The following SYT10 variants were observed in gnomAD, a reference collection of about 807,000 sequenced individuals.
The protein encoded by SYT10 is synaptotagmin 10.
Under a neutral mutation model 51.1 loss-of-function variants are expected in SYT10, and 31 were observed. That is an observed-to-expected ratio of 0.61 (90% confidence interval 0.46 to 0.82). SYT10 has a LOEUF of 0.82. Ranked by LOEUF, SYT10 falls within the 40% of genes least tolerant of loss-of-function variation. The pLI is 0.00. For synonymous variants in SYT10, 233 were observed against 225.9 expected, an observed-to-expected ratio of 1.03 and a Z score of -0.28; for missense variants, 603 against 634.0, an observed-to-expected ratio of 0.95 and a Z score of 0.53.
Position 33,408,936 on chromosome 12 carries a change from A to T in SYT10, c.510-1580T>A, listed in dbSNP as rs73312156. Among the ~76,000 whole-genome samples the T allele has an allele frequency of 3.0e-3, 454 of 152,168 alleles. 2 individuals are homozygous for T. Among genetic ancestry groups the T allele is most frequent in the African/African-American group, 0.01 (427 of 41,508 alleles). ...AATCCTGTTGCTTTTCCTTTGAAAC[A>T]TCTCATATAGTTGTTCATTCCACTC... On this transcript the variant is annotated intron_variant, in intron 2 of 6. Transcript: ENST00000228567.
In SYT10 at chr12:33,439,359, CCCT is replaced by C; in HGVS notation, c.151+10_151+12del. 6.2e-7 allele frequency: 1 copy of C among 1,608,656 alleles called. No homozygotes were observed. Among genetic ancestry groups the C allele is most frequent in the Non-Finnish European group, 8.5e-7 (1 of 1,177,740 alleles). ...GCGGAGCGCGAGGACGCGAGCGGAG[CCCT>C]CCCGGTTACCTGTGCTGCTTCCGCC... On this transcript the variant is annotated intron_variant, in intron 1 of 6. Transcript: ENST00000228567.
chr12:33,380,498 A>C (rs879119686), intron 5 of SYT10, among the ~76,000 whole-genome samples: 1 of 152,196 alleles, frequency 6.6e-6, no homozygotes, highest in Non-Finnish European at 1.5e-5. Context: ...TTATTTTTGC[A>C]TAACAGAAAA....
intron 2 of SYT10, among the ~76,000 whole-genome samples, chr12:33,425,447 C>T (rs1225837100): frequency 6.6e-6 from 1 of 152,066 alleles, no homozygotes; most frequent in Non-Finnish European, 1.5e-5. Context: ...TAATTATTTT[C>T]AACAAAGTTT....
intron 2 of SYT10, among the ~76,000 whole-genome samples, chr12:33,413,354 G>A (rs1866424758): frequency 6.6e-6 from 1 of 152,122 alleles, no homozygotes; most frequent in South Asian, 2.1e-4. Flanking sequence ...TACTCCTTGA[G>A]AAGAGCAACT....
chr12:33,415,354 C>A (rs2138423084), intron 2 of SYT10, among the ~76,000 whole-genome samples: 1 of 152,238 alleles, frequency 6.6e-6, no homozygotes, highest in Admixed American at 6.5e-5. Context: ...TTGACAAGCT[C>A]AAATCTAGGC....
rs1866552387 is a variant in SYT10, at chr12:33,426,357, G to T, written c.290C>A (p.Pro97Gln). 6.2e-7 allele frequency: 1 copy of T among 1,613,962 alleles called. No individual in the cohort carries two copies. The highest frequency in any genetic ancestry group is 8.5e-7 in the Non-Finnish European group (1 of 1,180,030). The change falls in exon 2 of 7, where the codon CCA (proline) becomes CAA (glutamine). Residue 97 changes from proline (P) to glutamine (Q), a missense_variant. Pro to Gln is a moderately conservative substitution (Grantham distance 76). Coordinates refer to ENST00000228567, the MANE Select transcript of SYT10 (RefSeq NM_198992.4). ...AGTAGGAGCACTTGAAATGCTCTGTGGAAGCGTAGTGATGTTGGAAGTCAC... is the reference window on the plus strand; with the variant it reads ...AGTAGGAGCACTTGAAATGCTCTGTTGAAGCGTAGTGATGTTGGAAGTCAC... ...KPVTSNITTL[P>Q]QSISSAPTEV...
intron 2 of SYT10, among the ~76,000 whole-genome samples, chr12:33,421,719 G>A (rs1447596307): frequency 6.6e-6 from 1 of 151,994 alleles, no homozygotes; most frequent in Non-Finnish European, 1.5e-5. Flanking sequence ...GGAAACAGCT[G>A]GAGCTCAATA....
At chr12:33,403,033 A>G (rs909693872) in intron 3 of SYT10, among the ~76,000 whole-genome samples, 4 of 152,124 alleles carry the variant, frequency 2.6e-5, no homozygotes, top group Non-Finnish European at 4.4e-5. Context: ...TCAAACTGAT[A>G]GCAAAATGGT....
chr12:33,435,996 A>G (rs1866634852), intron 1 of SYT10, among the ~76,000 whole-genome samples: 1 of 152,186 alleles, frequency 6.6e-6, no homozygotes, highest in Non-Finnish European at 1.5e-5. Flanking sequence ...TAGAACATTG[A>G]TGAATGAAAT....
intron 3 of SYT10, among the ~76,000 whole-genome samples, chr12:33,393,539 C>A (rs1208182245): frequency 1.3e-5 from 2 of 152,204 alleles, no homozygotes; most frequent in Admixed American, 1.3e-4. Flanking sequence ...TAGAGTCTAT[C>A]TTAAATTGAT....
chr12:33,376,945 A>G (rs1484024306), intron 6 of SYT10, 44 bp from the exon 7 acceptor site: 1 of 1,592,772 alleles, frequency 6.3e-7, no homozygotes. Context: ...GTACAGAAAT[A>G]GAACACAGTG....
chr12:33,376,932 C>T lies in SYT10; in HGVS notation c.1501-31G>A, dbSNP rs376226612. On this transcript the variant is annotated intron_variant, in intron 6 of 6. Transcript: ENST00000228567. ...AGACAAAAATTTCATAATGTATGATCTAGTACAGAAATAGAACACAGTGGT... is the reference window on the plus strand; with the variant it reads ...AGACAAAAATTTCATAATGTATGATTTAGTACAGAAATAGAACACAGTGGT... 1.1e-5 allele frequency: 17 copies of T among 1,609,086 alleles called. No individual in the cohort carries two copies. In the African/African-American group the frequency reaches 2.1e-4, roughly 20 times the overall value.
chr12:33,387,055 T>G (rs2138389915), intron 3 of SYT10, among the ~76,000 whole-genome samples: 1 of 152,284 alleles, frequency 6.6e-6, no homozygotes, highest in Admixed American at 6.5e-5. Flanking sequence ...AAGAAATTTG[T>G]GGCAGGTTTA....
At position 33,426,331 on chromosome 12, in the gene SYT10, C is replaced by T; in HGVS notation, c.316G>A (p.Glu106Lys). ...TTTTTCTCTTCAGTCTCAAAAACTT[C>T]AGTAGGAGCACTTGAAATGCTCTGT... ...LPQSISSAPT[E>K]VFETEEKKEI... Residue 106 changes from glutamate to lysine, a missense_variant, in exon 2 of 7, where the codon GAA becomes AAA. Coordinates refer to ENST00000228567, the MANE Select transcript of SYT10 (RefSeq NM_198992.4). 2 of 1,614,020 alleles carry T rather than the reference C, an allele frequency of 1.2e-6. No individual in the cohort carries two copies. The highest frequency in any genetic ancestry group is 8.5e-7 in the Non-Finnish European group (1 of 1,180,012).
chr12:33,406,634 AATT>A (rs768575228), intron 3 of SYT10, among the ~76,000 whole-genome samples, 152 bp downstream of exon 3: 3 of 152,170 alleles, frequency 2.0e-5, no homozygotes, highest in African/African-American at 4.8e-5. Flanking sequence ...TAGGTGCCTG[AATT>A]ATTATTAGTA....
chr12:33,397,854 T>C (rs1866270083), intron 3 of SYT10, among the ~76,000 whole-genome samples: 1 of 151,856 alleles, frequency 6.6e-6, no homozygotes. Context: ...ACAGGGACAA[T>C]GGACATTTCA....
At chr12:33,403,552 G>A (rs973259097) in intron 3 of SYT10, among the ~76,000 whole-genome samples, 16 of 151,998 alleles carry the variant, frequency 1.1e-4, no homozygotes, top group Admixed American at 1.0e-3. Context: ...TTTTAATCCA[G>A]TATTTATTTT....
chr12:33,391,348 G>A (rs1866205284), intron 3 of SYT10, among the ~76,000 whole-genome samples: 1 of 151,932 alleles, frequency 6.6e-6, no homozygotes, highest in Non-Finnish European at 1.5e-5. Context: ...TTTCCATGAC[G>A]ATCTAGGAGG....
At chr12:33,437,753 T>C in intron 1 of SYT10, among the ~76,000 whole-genome samples, 1 of 152,086 alleles carries the variant, frequency 6.6e-6, no homozygotes, top group East Asian at 1.9e-4. Flanking sequence ...GAAAAGCTTA[T>C]CTAATATCAC....
Sources: gnomAD v4.1 joint callset for allele counts (sites outside exome capture counted in the v4.1 genomes callset) on GRCh38, gnomAD v4.1.1 for gene constraint, MANE v1.5 for transcripts, NCBI Gene and HGNC (gene_info 2026-07-23, HGNC 2026-07-21) for gene names.